The following ADAMTSL1 variants were observed in gnomAD, a reference collection of about 807,000 sequenced individuals.
The protein encoded by ADAMTSL1 is ADAMTS-like protein 1.
In ADAMTSL1, 126 loss-of-function variants were observed where a neutral mutation model predicts 201.8. That is an observed-to-expected ratio of 0.62 (90% CI 0.54 to 0.72). The LOEUF (loss-of-function observed/expected upper bound fraction) is 0.72. Among genes scored for constraint, ADAMTSL1 ranks in the 30% least tolerant of loss-of-function variants. The pLI is 0.00. For synonymous variants in ADAMTSL1, 1,121 were observed against 903.4 expected (o/e 1.24, Z -4.32); for missense variants, 2,679 against 2,277.8 (o/e 1.18, Z -3.59).
In ADAMTSL1 at chr9:18,910,286, A is replaced by G. The variant is rs1248548238; in HGVS notation, c.*1738A>G. 6.6e-6 allele frequency: 1 copy of G among 152,184 alleles called. No individual in the cohort carries two copies. Among genetic ancestry groups the G allele is most frequent in the Admixed American group, 6.5e-5 (1 of 15,282 alleles). 9.4% of individuals were successfully genotyped at this position (152,184 alleles called of 1,614,324 possible). A position where few individuals can be genotyped will look rare whatever the true frequency, so the allele number is the denominator to read the frequency against. ...TAAAGTCTGTTTAAAATAAAAAAGA[A>G]TGTTTTCTATGTCTGTATATCTTTT... On this transcript the variant is annotated 3_prime_UTR_variant, in exon 29 of 29. Transcript: ENST00000380548.
intron 9 of ADAMTSL1, among the ~76,000 whole-genome samples, chr9:18,667,447 A>G (rs149546862): frequency 1.8e-4 from 28 of 152,256 alleles, no homozygotes; most frequent in African/African-American, 6.5e-4. Flanking sequence ...GAGCTTTGGC[A>G]TAAAACGTCC....
chr9:17,955,719 G>C (rs1034991812), intron 1 of ADAMTSL1, among the ~76,000 whole-genome samples: 4 of 152,144 alleles, frequency 2.6e-5, no homozygotes, highest in Admixed American at 2.0e-4. Flanking sequence ...TAGATTAACT[G>C]TTGTGGTATT....
In ADAMTSL1 at chr9:18,046,766, G is replaced by T. The variant is rs139352122; in HGVS notation, c.88-117096G>T. 3.9e-3 allele frequency among the ~76,000 whole-genome samples: 600 copies of T among 152,078 alleles called. 3 individuals carry two copies. Among genetic ancestry groups the T allele is most frequent in the African/African-American group, 0.013 (554 of 41,472 alleles). ...GTAATCTTACAACAACCCTAACAAG[G>T]CAAGTAGTTATGTTACAGAGAAGAA... is the stretch of plus-strand genomic sequence containing the variant. On this transcript the variant is annotated intron_variant, in intron 1 of 29. Transcript: ENST00000680146.
chr9:18,795,436 A>G lies in ADAMTSL1; in HGVS notation c.3717A>G (p.Ala1239=). 2 of 1,613,910 alleles carry G rather than the reference A, an allele frequency of 1.2e-6. No individual in the cohort carries two copies. The highest frequency in any genetic ancestry group is 2.2e-5 in the South Asian group (2 of 91,086). ...LQPDDSLQIL[A]PVEADVGFYT... ...CAGATGATTCCTTACAGATCTTGGCACCAGTGGAAGCAGATGTGGGTTTCT... is the reference window on the plus strand; with the variant it reads ...CAGATGATTCCTTACAGATCTTGGCGCCAGTGGAAGCAGATGTGGGTTTCT... The change falls in exon 20 of 29, where the codon GCA becomes GCG. Residue 1239 remains alanine, a synonymous_variant. Transcript: ENST00000380548.
chr9:18,024,956 A>C (rs375589772), intron 1 of ADAMTSL1, among the ~76,000 whole-genome samples: 2 of 152,086 alleles, frequency 1.3e-5, no homozygotes, highest in African/African-American at 2.4e-5. Flanking sequence ...AACAATAGCC[A>C]TTCTGACTGC....
intron 15 of ADAMTSL1, among the ~76,000 whole-genome samples, chr9:18,741,292 C>T (rs1818807998): frequency 2.0e-5 from 3 of 151,300 alleles, no homozygotes; most frequent in South Asian, 2.1e-4. Flanking sequence ...TGCATGAATA[C>T]GAGTACACAT....
chr9:18,763,876 C>A (rs1479044649), intron 16 of ADAMTSL1, among the ~76,000 whole-genome samples: 2 of 152,104 alleles, frequency 1.3e-5, no homozygotes, highest in East Asian at 3.8e-4. Flanking sequence ...TATGCTATAG[C>A]TGGTACTATT....
intron 1 of ADAMTSL1, among the ~76,000 whole-genome samples, chr9:18,088,914 C>G (rs1336333519): frequency 2.6e-5 from 4 of 152,114 alleles, no homozygotes; most frequent in African/African-American, 9.7e-5. Context: ...AAATCAGGAT[C>G]TCAAGGAGAT....
chr9:18,707,080 C>G lies in ADAMTSL1; in HGVS notation c.1876+32C>G, dbSNP rs774292217. On this transcript the variant is annotated intron_variant, in intron 14 of 28. Coordinates refer to ENST00000380548, the MANE Select transcript of ADAMTSL1 (RefSeq NM_001040272.6). ...AAGGGGGCTCTGGCTCAGATCCCCG[C>G]CATCTTCTTGCTCATTTTCTCTCTC... The G allele has an allele frequency of 1.9e-6, 3 of 1,591,190 alleles. No individual in the cohort carries two copies. In the African/African-American group the frequency reaches 4.0e-5, roughly 21 times the overall value.
chr9:18,557,535 C>G (rs1473552050), intron 3 of ADAMTSL1, among the ~76,000 whole-genome samples: 1 of 151,890 alleles, frequency 6.6e-6, no homozygotes, highest in Non-Finnish European at 1.5e-5. Flanking sequence ...TGCATGCCGC[C>G]AGTAAAGGAG....
At chr9:18,547,071 T>G (rs1403303994) in intron 3 of ADAMTSL1, among the ~76,000 whole-genome samples, 1 of 152,194 alleles carries the variant, frequency 6.6e-6, no homozygotes, top group Non-Finnish European at 1.5e-5. Context: ...GTGTACTTTC[T>G]TATTACCATT....
At chr9:18,714,479 T>C (rs1395868303) in intron 14 of ADAMTSL1, among the ~76,000 whole-genome samples, 1 of 151,940 alleles carries the variant, frequency 6.6e-6, no homozygotes, top group Non-Finnish European at 1.5e-5. Flanking sequence ...TCTATGCAAA[T>C]AAACTAGAAA....
At chr9:18,663,475 C>CCAAGACAGT (rs1477637337) in intron 9 of ADAMTSL1, among the ~76,000 whole-genome samples, 2 of 151,960 alleles carry the variant, frequency 1.3e-5, no homozygotes, top group Non-Finnish European at 2.9e-5. Context: ...AACTTTTTAG[C>CCAAGACAGT]CAAGACAGTT....
chr9:18,406,202 C>T (rs1314159307), intron 2 of ADAMTSL1, among the ~76,000 whole-genome samples: 1 of 152,202 alleles, frequency 6.6e-6, no homozygotes, highest in Non-Finnish European at 1.5e-5. Context: ...AGAGAAATCA[C>T]AGGGCCTTTG....
intron 1 of ADAMTSL1, among the ~76,000 whole-genome samples, chr9:17,964,493 G>T (rs755216629): frequency 6.6e-6 from 1 of 152,076 alleles, no homozygotes. Flanking sequence ...ATCCCTGCGT[G>T]GTGACAAAAC....
chr9:18,516,639 T>A (rs10963622), intron 2 of ADAMTSL1, among the ~76,000 whole-genome samples: 1 of 152,082 alleles, frequency 6.6e-6, no homozygotes, highest in Non-Finnish European at 1.5e-5. Context: ...CACTGTTCTC[T>A]ACTTGTATGA....
intron 1 of ADAMTSL1, among the ~76,000 whole-genome samples, chr9:17,941,212 A>G (rs977890638): frequency 1.6e-4 from 25 of 152,092 alleles, no homozygotes; most frequent in Non-Finnish European, 3.4e-4. Context: ...AGGTGATTTC[A>G]TAGATATTGT....
intron 1 of ADAMTSL1, among the ~76,000 whole-genome samples, chr9:18,162,473 G>C (rs1004279326): frequency 1.6e-4 from 25 of 151,910 alleles, no homozygotes; most frequent in Non-Finnish European, 2.4e-4. Flanking sequence ...TGGGGGCCAA[G>C]ATTCTTTTTA....
At chr9:18,303,536 G>T (rs1404412055) in intron 2 of ADAMTSL1, among the ~76,000 whole-genome samples, 1 of 152,154 alleles carries the variant, frequency 6.6e-6, no homozygotes, top group Non-Finnish European at 1.5e-5. Context: ...TACCATAAAG[G>T]TCAACAGAGT....
Sources: allele counts gnomAD v4.1 joint callset (sites outside exome capture counted in the v4.1 genomes callset), GRCh38; gene constraint gnomAD v4.1.1; transcripts MANE v1.5; gene names NCBI Gene and HGNC (gene_info 2026-07-23, HGNC 2026-07-21).